The following LOC400499 variants were observed in gnomAD, a reference collection of about 807,000 sequenced individuals.
chr16:11,408,423 C>G, the LOC400499 span, among the ~76,000 whole-genome samples: 1 of 150,960 alleles, frequency 6.6e-6, no homozygotes, highest in African/African-American at 2.4e-5. Context: ...AAATAACTTC[C>G]TGGACACTTC....
chr16:11,444,690 G>T, the LOC400499 span, among the ~76,000 whole-genome samples: 1 of 152,158 alleles, frequency 6.6e-6, no homozygotes, highest in Non-Finnish European at 1.5e-5. Flanking sequence ...ACTATTCATT[G>T]AGCACCTACT....
At chr16:11,390,669 A>G in the LOC400499 span, among the ~76,000 whole-genome samples, 2 of 152,230 alleles carry the variant, frequency 1.3e-5, no homozygotes, top group Non-Finnish European at 2.9e-5. Flanking sequence ...AGGCCTGCTT[A>G]TAAGGTTGTC....
chr16:11,467,434 A>T, the LOC400499 span, among the ~76,000 whole-genome samples: 1 of 149,304 alleles, frequency 6.7e-6, no homozygotes, highest in South Asian at 2.1e-4. Context: ...ACATAGTGAG[A>T]CCCCATTTGT....
At chr16:11,373,468 G>C in the LOC400499 span, among the ~76,000 whole-genome samples, 1 of 152,114 alleles carries the variant, frequency 6.6e-6, no homozygotes, top group African/African-American at 2.4e-5. Flanking sequence ...TGAGTAGCTG[G>C]GATTACATGC....
the LOC400499 span, among the ~76,000 whole-genome samples, chr16:11,427,332 G>A: frequency 2.0e-5 from 2 of 101,778 alleles, no homozygotes; most frequent in African/African-American, 7.9e-5. Context: ...TGGGCAACAA[G>A]AGCGAAACTC....
At chr16:11,443,457 G>C in the LOC400499 span, 1 of 286,332 alleles carries the variant, frequency 3.5e-6, no homozygotes. Flanking sequence ...AACAGAGTGA[G>C]ACTCTGTCTT....
At chr16:11,393,261 T>A in the LOC400499 span, 29 of 640,440 alleles carry the variant, frequency 4.5e-5, no homozygotes, top group South Asian at 1.5e-3. Context: ...CCCAAAGTGC[T>A]AGGATTACAG....
the LOC400499 span, among the ~76,000 whole-genome samples, chr16:11,383,310 A>G: frequency 2.6e-5 from 4 of 152,018 alleles, no homozygotes; most frequent in Non-Finnish European, 5.9e-5. Flanking sequence ...CTCGTGATGC[A>G]CCCACCTCAG....
At chr16:11,387,062 G>A in the LOC400499 span, 2 of 1,221,818 alleles carry the variant, frequency 1.6e-6, no homozygotes, top group Non-Finnish European at 2.0e-6. Context: ...TGCCCAGGAG[G>A]CAGGGGGCTC....
the LOC400499 span, among the ~76,000 whole-genome samples, chr16:11,374,739 G>A: frequency 3.4e-4 from 52 of 152,320 alleles, no homozygotes; most frequent in African/African-American, 1.1e-3. Context: ...TTGGGTTGCT[G>A]CTGTCTTCTG....
At chr16:11,423,281 G>A in the LOC400499 span, 3 of 399,018 alleles carry the variant, frequency 7.5e-6, no homozygotes, top group Non-Finnish European at 1.3e-5. Context: ...GGGTGGGAAG[G>A]GGCTGGCTTC....
chr16:11,499,579 C>G, the LOC400499 span, among the ~76,000 whole-genome samples: 1 of 152,086 alleles, frequency 6.6e-6, no homozygotes, highest in African/African-American at 2.4e-5. Context: ...CCACCTCAAA[C>G]CCTGCGGTCA....
the LOC400499 span, chr16:11,399,512 G>C: frequency 5.0e-5 from 20 of 398,646 alleles, no homozygotes; most frequent in African/African-American, 3.9e-4. Flanking sequence ...CTGGCCCCAG[G>C]ACACGTTGAG....
chr16:11,422,818 G>A, the LOC400499 span, among the ~76,000 whole-genome samples: 2 of 152,198 alleles, frequency 1.3e-5, no homozygotes, highest in African/African-American at 4.8e-5. Flanking sequence ...CTGCACCCCA[G>A]CCCTGAGCGC....
At chr16:11,493,657 G>C in the LOC400499 span, 2 of 397,256 alleles carry the variant, frequency 5.0e-6, no homozygotes, top group African/African-American at 2.1e-5. Context: ...TGCAGAGCAG[G>C]GGACCCTTCG....
At chr16:11,450,774 G>T in the LOC400499 span, 3 of 1,535,996 alleles carry the variant, frequency 2.0e-6, no homozygotes, top group Admixed American at 3.9e-5. Context: ...AGTATAGCCT[G>T]TGAGCTGCAG....
the LOC400499 span, among the ~76,000 whole-genome samples, chr16:11,410,119 G>T: frequency 2.0e-5 from 3 of 151,838 alleles, 1 homozygote; most frequent in East Asian, 5.8e-4. Context: ...ACTCCAACCT[G>T]GGTGACAGAG....
At chr16:11,397,946 G>T in the LOC400499 span, among the ~76,000 whole-genome samples, 1 of 152,116 alleles carries the variant, frequency 6.6e-6, no homozygotes, top group Admixed American at 6.5e-5. Flanking sequence ...GGATGGATGG[G>T]TTGGTGGATG....
chr16:11,460,822 C>A, the LOC400499 span: 1 of 1,230,568 alleles, frequency 8.1e-7, no homozygotes, highest in East Asian at 2.6e-5. Flanking sequence ...GGCAGGTATT[C>A]AGTCCTACTC....
Sources: allele counts gnomAD v4.1 joint callset (sites outside exome capture counted in the v4.1 genomes callset), GRCh38; gene constraint gnomAD v4.1.1; transcripts MANE v1.5.